GABRB3: variants seen among roughly 807,000 people sequenced by gnomAD.
The protein encoded by GABRB3 is gamma-aminobutyric acid type A receptor subunit beta3.
In GABRB3, 14 loss-of-function variants were observed where a neutral mutation model predicts 52.1. The ratio of observed to expected loss-of-function variants is 0.27; its 90% CI spans 0.18 to 0.42. GABRB3 has a LOEUF of 0.42. Among genes scored for constraint, GABRB3 ranks in the 10% least tolerant of loss-of-function variants. The pLI, the probability that GABRB3 is intolerant of heterozygous loss-of-function variation, is 1.00. For missense variants in GABRB3, 307 were observed against 609.1 expected, an observed-to-expected ratio of 0.50 and a Z score of 5.22; for synonymous variants, 260 against 232.3, an observed-to-expected ratio of 1.12 and a Z score of -1.08.
chr15:26,544,011 G>A lies in GABRB3; in HGVS notation c.*3782C>T, dbSNP rs753099824. On this transcript the variant is annotated 3_prime_UTR_variant, in exon 9 of 9. Coordinates refer to ENST00000311550, the MANE Select transcript of GABRB3 (RefSeq NM_000814.6). ...TCCTGGAAAAATTTAATTCACCTGG[G>A]CAGTTCTTTGCCCCAAGATTCGATG... 1.3e-5 allele frequency: 2 copies of A among 152,572 alleles called. No individual in the cohort carries two copies. Among genetic ancestry groups the A allele is most frequent in the Non-Finnish European group, 2.9e-5 (2 of 68,038 alleles). The allele number at this position is 152,572 out of a possible 1,614,324, so 9.5% of individuals were successfully genotyped here. A position where few individuals can be genotyped will look rare whatever the true frequency, so the allele number is the denominator to read the frequency against.
At chr15:26,635,009 T>A (rs1299252612) in intron 3 of GABRB3, among the ~76,000 whole-genome samples, 1 of 11,732 alleles carries the variant, frequency 8.5e-5, no homozygotes, top group African/African-American at 1.9e-4. Context: ...TATATATATA[T>A]AATATATATA....
At chr15:26,562,868 G>A (rs1890040002) in intron 7 of GABRB3, among the ~76,000 whole-genome samples, 1 of 152,192 alleles carries the variant, frequency 6.6e-6, no homozygotes, top group Admixed American at 6.5e-5. Flanking sequence ...GCAAACCATG[G>A]TTGCTGACGG....
chr15:26,599,702 T>G lies in GABRB3; in HGVS notation c.462-16288A>C, dbSNP rs74560509. On this transcript the variant is annotated intron_variant, in intron 4 of 8. Coordinates refer to ENST00000311550, the MANE Select transcript of GABRB3 (RefSeq NM_000814.6). ...AGGCTAGAAGGCAGAGAGGATGAGA[T>G]AGTGAAGGTCTATCACTGCCAAACA... is the stretch of plus-strand genomic sequence containing the variant. Among the ~76,000 whole-genome samples, 294 of 152,294 alleles carry G rather than the reference T, an allele frequency of 1.9e-3. 5 individuals carry two copies. In the East Asian group the frequency reaches 0.036, roughly 19 times the overall value.
At chr15:26,664,985 C>T (rs569732471) in intron 3 of GABRB3, among the ~76,000 whole-genome samples, 10 of 152,062 alleles carry the variant, frequency 6.6e-5, no homozygotes, top group African/African-American at 1.4e-4. Flanking sequence ...CAGGCGTGAA[C>T]GCCCTTATCA....
intron 3 of GABRB3, among the ~76,000 whole-genome samples, chr15:26,627,992 C>G (rs12439982): frequency 0.13 from 19,870 of 152,226 alleles, 1,291 homozygotes; most frequent in African/African-American, 0.15. Context: ...GCAACCACCA[C>G]CCTGATCAGC....
In GABRB3 at chr15:26,671,823, G is replaced by T. The variant is rs560771065; in HGVS notation, c.241-50289C>A. On this transcript the variant is annotated intron_variant, in intron 3 of 8. Coordinates refer to ENST00000311550, the MANE Select transcript of GABRB3 (RefSeq NM_000814.6). ...GTGCCACGGGGGGACAAGGTGGTGA[G>T]GGCTCTGAGCCTGCTGAGCAGACCA... 6.1e-4 allele frequency among the ~76,000 whole-genome samples: 92 copies of T among 151,922 alleles called. 1 individual carries two copies. Among genetic ancestry groups the T allele is most frequent in the Non-Finnish European group, 1.1e-3 (74 of 67,914 alleles).
intron 3 of GABRB3, among the ~76,000 whole-genome samples, chr15:26,679,211 G>C (rs1444011294): frequency 6.6e-6 from 1 of 152,134 alleles, no homozygotes; most frequent in Non-Finnish European, 1.5e-5. Context: ...CTTTTGGGGG[G>C]AAAGTCCCTC....
At chr15:26,610,479 T>G (rs1024589602) in intron 4 of GABRB3, among the ~76,000 whole-genome samples, 1 of 152,224 alleles carries the variant, frequency 6.6e-6, no homozygotes, top group Non-Finnish European at 1.5e-5. Context: ...TGGTTGATTG[T>G]GTATGTATCA....
intron 7 of GABRB3, among the ~76,000 whole-genome samples, chr15:26,566,467 T>C (rs1438668039): frequency 6.6e-6 from 1 of 152,202 alleles, no homozygotes; most frequent in African/African-American, 2.4e-5. Context: ...GGCTCACGCA[T>C]ATACTCCTAG....
chr15:26,666,041 C>T (rs961471042), intron 3 of GABRB3, among the ~76,000 whole-genome samples: 4 of 152,116 alleles, frequency 2.6e-5, no homozygotes, highest in African/African-American at 4.8e-5. Flanking sequence ...ACCAAGCACA[C>T]GCACAAACAT....
chr15:26,758,421 C>T (rs1890721481), intron 3 of GABRB3, among the ~76,000 whole-genome samples: 1 of 152,144 alleles, frequency 6.6e-6, no homozygotes, highest in South Asian at 2.1e-4. Context: ...ATTTTAGAAA[C>T]TCAGAGATGC....
At chr15:26,737,339 G>A (rs377733063) in intron 3 of GABRB3, among the ~76,000 whole-genome samples, 40 of 152,302 alleles carry the variant, frequency 2.6e-4, no homozygotes, top group African/African-American at 9.4e-4. Context: ...GAAATCAGGT[G>A]CGTTTTGTTT....
chr15:26,560,213 T>C (rs56664597), intron 8 of GABRB3, among the ~76,000 whole-genome samples: 3,055 of 152,340 alleles, frequency 0.02, 128 homozygotes, highest in African/African-American at 0.069. Flanking sequence ...GGAAACCCTG[T>C]GACATGCACA....
chr15:26,708,773 T>A, intron 3 of GABRB3, among the ~76,000 whole-genome samples: 1 of 152,180 alleles, frequency 6.6e-6, no homozygotes, highest in East Asian at 1.9e-4. Flanking sequence ...TCAATCCTGG[T>A]TCCACCAGTT....
intron 6 of GABRB3, among the ~76,000 whole-genome samples, chr15:26,577,715 G>C (rs1465697582): frequency 1.3e-5 from 2 of 152,206 alleles, no homozygotes; most frequent in African/African-American, 2.4e-5. Context: ...TTATAGGGGA[G>C]CTGAAAAATT....
intron 3 of GABRB3, among the ~76,000 whole-genome samples, chr15:26,730,544 G>A (rs1348519156): frequency 1.3e-5 from 2 of 152,128 alleles, no homozygotes; most frequent in Non-Finnish European, 2.9e-5. Context: ...AAGAGGAGCT[G>A]AAGAGGCCAG....
intron 8 of GABRB3, 36 bp from the exon 9 acceptor site, chr15:26,548,170 A>G (rs1201330398): frequency 6.5e-7 from 1 of 1,538,502 alleles, no homozygotes; most frequent in African/African-American, 1.4e-5. Context: ...TTAGACAGCC[A>G]GCAGCATAAT....
intron 3 of GABRB3, among the ~76,000 whole-genome samples, chr15:26,751,102 T>C (rs931827458): frequency 1.3e-5 from 2 of 152,190 alleles, no homozygotes; most frequent in African/African-American, 4.8e-5. Flanking sequence ...GAACTGCTAA[T>C]GCTGAAACTA....
chr15:26,746,467 T>C (rs574968190), intron 3 of GABRB3, among the ~76,000 whole-genome samples: 1 of 152,340 alleles, frequency 6.6e-6, no homozygotes, highest in African/African-American at 2.4e-5. Flanking sequence ...ATTTTTCCTT[T>C]TATGAATCAT....
Sources: gnomAD v4.1 joint callset for allele counts (sites outside exome capture counted in the v4.1 genomes callset) on GRCh38, gnomAD v4.1.1 for gene constraint, MANE v1.5 for transcripts, NCBI Gene and HGNC (gene_info 2026-07-23, HGNC 2026-07-21) for gene names.